The following TMCO6 variants were observed in gnomAD, a reference collection of about 807,000 sequenced individuals.
TMCO6 encodes the protein transmembrane and coiled-coil domain-containing protein 6.
Under a neutral mutation model 61.8 loss-of-function variants are expected in TMCO6, and 47 were observed. That is an observed-to-expected ratio of 0.76 (90% CI 0.60 to 0.97). The LOEUF (loss-of-function observed/expected upper bound fraction) is 0.97, where lower values mean the gene tolerates loss of function less well. Among genes scored for constraint, TMCO6 ranks in the 50% least tolerant of loss-of-function variants. The pLI, the probability that TMCO6 is intolerant of heterozygous loss-of-function variation, is 0.00. For synonymous variants in TMCO6, 261 were observed against 254.2 expected (o/e 1.03, Z -0.25); for missense variants, 557 against 601.6 (o/e 0.93, Z 0.78).
chr5:140,625,043 G>T, the TMCO6 span, among the ~76,000 whole-genome samples: 2 of 150,868 alleles, frequency 1.3e-5, no homozygotes. Flanking sequence ...TAGTAGAAAC[G>T]GGGTTTCACC....
At chr5:140,639,924 GC>G in intron 2 of TMCO6, 73 bp downstream of exon 2, 1 of 1,326,130 alleles carries the variant, frequency 7.5e-7, no homozygotes, top group Non-Finnish European at 1.1e-6. Context: ...CTCGAGGTCT[GC>G]CCCAAACCTG....
the TMCO6 span, among the ~76,000 whole-genome samples, chr5:140,620,073 C>T: frequency 6.6e-6 from 1 of 152,214 alleles, no homozygotes; most frequent in Non-Finnish European, 1.5e-5. Context: ...TGAAAACTTG[C>T]TCATGGGTGT....
chr5:140,645,542 G>A, downstream of TMCO6: 1 of 1,610,540 alleles, frequency 6.2e-7, no homozygotes, highest in Middle Eastern at 1.7e-4. Flanking sequence ...AAGTCCAGCA[G>A]AGCCCAGGCT....
At chr5:140,633,525 C>A in the TMCO6 span, 1 of 230,650 alleles carries the variant, frequency 4.3e-6, no homozygotes, top group Non-Finnish European at 8.8e-6. Context: ...CCCCCAATCC[C>A]CCTACCTTAT....
rs1757096681 is a variant in TMCO6, at chr5:140,642,384, C to T, written c.568C>T (p.Gln190Ter). ...GGCTGTGAGAAGGCAGCTCCTGCCACAGGGCATTGTTCCAGCCTTGGCTGC... is the reference window on the plus strand; with the variant it reads ...GGCTGTGAGAAGGCAGCTCCTGCCATAGGGCATTGTTCCAGCCTTGGCTGC... ...SEAVRRQLLP[Q>*]GIVPALAACI... Residue 190 changes from glutamine (Q) to a stop codon, truncating the protein, a stop_gained, in exon 5 of 12, where the codon CAG (glutamine) becomes TAG (stop). Transcript: ENST00000394671. LOFTEE classifies it high-confidence loss of function. 1 of 1,613,794 alleles carries T rather than the reference C, an allele frequency of 6.2e-7. No homozygotes were observed. The highest frequency in any genetic ancestry group is 8.5e-7 in the Non-Finnish European group (1 of 1,179,850).
At chr5:140,600,247 G>T in the TMCO6 span, among the ~76,000 whole-genome samples, 2 of 152,050 alleles carry the variant, frequency 1.3e-5, no homozygotes, top group African/African-American at 2.4e-5. Flanking sequence ...GAATTCTCTG[G>T]TCCAAAGTCC....
upstream of TMCO6, among the ~76,000 whole-genome samples, chr5:140,637,159 G>A (rs1756788156): frequency 6.6e-6 from 1 of 152,168 alleles, no homozygotes; most frequent in Non-Finnish European, 1.5e-5. Flanking sequence ...AGTGGGAGTA[G>A]GGTGGAGGAG....
the TMCO6 span, among the ~76,000 whole-genome samples, chr5:140,631,206 C>T: frequency 1.3e-5 from 2 of 152,122 alleles, no homozygotes; most frequent in African/African-American, 4.8e-5. Flanking sequence ...TGAAAGCCTC[C>T]GGGTGAAGAG....
At chr5:140,640,336 A>G (rs12517200) in intron 2 of TMCO6, among the ~76,000 whole-genome samples, 41,771 of 151,924 alleles carry the variant, frequency 0.27, 5,916 homozygotes, top group Admixed American at 0.29. Context: ...TTGTGTCTCA[A>G]GCCCTTGGCA....
the TMCO6 span, among the ~76,000 whole-genome samples, chr5:140,608,293 G>T: frequency 6.6e-6 from 1 of 152,154 alleles, no homozygotes; most frequent in African/African-American, 2.4e-5. Context: ...TCAGGCATTT[G>T]TGTGCCTTTG....
the TMCO6 span, among the ~76,000 whole-genome samples, chr5:140,619,748 A>T: frequency 2.0e-5 from 3 of 152,062 alleles, no homozygotes; most frequent in South Asian, 6.2e-4. Context: ...TCCAAAATAA[A>T]CCTGTCTTAA....
the TMCO6 span, chr5:140,633,519 C>G: frequency 2.1e-4 from 51 of 244,506 alleles, no homozygotes; most frequent in Middle Eastern, 1.6e-3. Context: ...TCCAACCCCC[C>G]AATCCCCCTA....
the TMCO6 span, among the ~76,000 whole-genome samples, chr5:140,616,646 T>C: frequency 0.028 from 4,259 of 152,254 alleles, 174 homozygotes; most frequent in African/African-American, 0.093. Flanking sequence ...ACGCAATGTA[T>C]GGAATAGGAG....
chr5:140,633,234 C>CTGA, the TMCO6 span: 10 of 839,772 alleles, frequency 1.2e-5, no homozygotes, highest in Admixed American at 2.0e-4. Context: ...CAGTTCCCTC[C>CTGA]TCTGTGAACC....
chr5:140,641,730 C>T lies in TMCO6; in HGVS notation c.264C>T (p.Val88=), dbSNP rs112278925. The T allele has an allele frequency of 2.2e-5, 36 of 1,614,244 alleles. No homozygotes were observed. The African/African-American group carries it at 2.3e-4, about 10-fold the overall frequency. The change falls in exon 3 of 12, where the codon GTC becomes GTT. Residue 88 remains valine (V), a synonymous_variant. Coordinates refer to ENST00000394671, the MANE Select transcript of TMCO6 (RefSeq NM_018502.5). ...AAAAGGAGAGAGAGGGGGCTCTGGT[C>T]AGCCTTCGTCGAGGCTTGCAGCACC... ...TEEKEREGAL[V]SLRRGLQHPE...
chr5:140,644,700 G>C lies in TMCO6; in HGVS notation c.1328G>C (p.Ser443Thr), dbSNP rs200513886. 1.2e-6 allele frequency: 2 copies of C among 1,614,252 alleles called. No individual in the cohort carries two copies. The highest frequency in any genetic ancestry group is 3.3e-5 in the Admixed American group (2 of 60,032). ...AFSDTEVVGQ[S>T]LELLHLLFLY... The stretch of plus-strand genomic sequence containing the variant: ...TCTGACACTGAAGTAGTAGGCCAGA[G>C]TTTGGAGCTGCTGCATCTGCTGTTC... The change falls in exon 11 of 12, where the codon AGT becomes ACT. Residue 443 changes from serine (S) to threonine (T), a missense_variant. Ser to Thr is a moderately conservative substitution (Grantham distance 58). Transcript: ENST00000394671.
the TMCO6 span, chr5:140,632,760 G>T: frequency 6.2e-7 from 1 of 1,613,276 alleles, no homozygotes. The surrounding 1 kb of genome is among the most constrained non-coding windows in gnomAD (Gnocchi z 6.2). Context: ...GTCGGCGTCC[G>T]CATCGACGCG....
chr5:140,628,397 T>C, the TMCO6 span, among the ~76,000 whole-genome samples: 8 of 152,134 alleles, frequency 5.3e-5, no homozygotes, highest in African/African-American at 1.7e-4. Flanking sequence ...GGAGTTGCTC[T>C]GATTTGAATG....
At chr5:140,647,510 T>C, downstream of TMCO6, 1 of 1,612,654 alleles carries the variant, frequency 6.2e-7, no homozygotes, top group Non-Finnish European at 8.5e-7. Flanking sequence ...GGGCGAGCGC[T>C]GACATAAGTG....
Sources: gnomAD v4.1 joint callset for allele counts (sites outside exome capture counted in the v4.1 genomes callset) on GRCh38, gnomAD v4.1.1 for gene constraint, Gnocchi (gnomAD v3.1) non-coding constraint, MANE v1.5 for transcripts, NCBI Gene and HGNC (gene_info 2026-07-23, HGNC 2026-07-21) for gene names.